KNG1: variants seen among roughly 807,000 people sequenced by gnomAD.
KNG1 encodes the protein kininogen-1.
In KNG1, 23 loss-of-function variants were observed where a neutral mutation model predicts 47.8. The observed-to-expected ratio is 0.48, with a 90% confidence interval of 0.35 to 0.68. KNG1 has a LOEUF of 0.68. Ranked by LOEUF, KNG1 falls within the 30% of genes least tolerant of loss-of-function variation. The pLI is 0.01. For missense variants in KNG1, 762 were observed against 790.2 expected, an observed-to-expected ratio of 0.96 and a Z score of 0.43; for synonymous variants, 277 against 277.0, an observed-to-expected ratio of 1.00 and a Z score of 0.00.
chr3:186,717,611 C>T lies in KNG1; in HGVS notation c.69C>T (p.Ser23=), dbSNP rs750334448. 18 of 1,612,634 alleles carry T rather than the reference C, an allele frequency of 1.1e-5. No individual in the cohort carries two copies. Among genetic ancestry groups the T allele is most frequent in the Admixed American group, 3.3e-5 (2 of 60,004 alleles). Residue 23 remains serine (S), a synonymous_variant, in exon 1 of 10, where the codon TCC becomes TCT. Transcript: ENST00000644859. ...LLLSLTQESQ[S]EEIDCNDKDL... is the part of the protein sequence containing the mutation. ...TAAGTTTAACCCAGGAATCACAGTCCGAGGAAATTGACTGCAATGACAAGG... is the reference window on the plus strand; with the variant it reads ...TAAGTTTAACCCAGGAATCACAGTCTGAGGAAATTGACTGCAATGACAAGG...
intron 9 of KNG1, 44 bp from the exon 10 acceptor site, chr3:186,741,478 A>T (rs747166212): frequency 2.6e-6 from 4 of 1,566,678 alleles, no homozygotes; most frequent in Non-Finnish European, 1.7e-6. Context: ...CATCAATAGC[A>T]TGATTTTTGC....
intron 7 of KNG1, among the ~76,000 whole-genome samples, chr3:186,737,717 C>T (rs889157046): frequency 2.6e-5 from 4 of 151,792 alleles, no homozygotes; most frequent in East Asian, 1.9e-4. Context: ...CAACCATGTC[C>T]GGCTAATTTT....
At chr3:186,731,151 A>G (rs530961899) in intron 5 of KNG1, among the ~76,000 whole-genome samples, 1 of 152,226 alleles carries the variant, frequency 6.6e-6, no homozygotes, top group East Asian at 1.9e-4. Context: ...TATTTGTCTC[A>G]CGTAGCTTTG....
intron 6 of KNG1, among the ~76,000 whole-genome samples, chr3:186,731,918 T>A (rs1410524220): frequency 6.6e-6 from 1 of 152,226 alleles, no homozygotes; most frequent in Non-Finnish European, 1.5e-5. Context: ...CTCTTCTCTG[T>A]AAGTTGTCCT....
rs1464176646 is a variant in KNG1 at position 186,725,462 on chromosome 3, GT to G, written c.564+205del. ...TCGAATCAGACCCCCTTCCTTTGAT[GT>G]TTGATTTTAACAAATGGGTAATCGT... is the stretch of plus-strand genomic sequence containing the variant. On this transcript the variant is annotated intron_variant, in intron 4 of 9. Coordinates refer to ENST00000644859, the MANE Select transcript of KNG1 (RefSeq NM_001102416.3). Among the ~76,000 whole-genome samples, 78 of 150,860 alleles carry G rather than the reference GT, an allele frequency of 5.2e-4. 1 individual carries two copies. The highest frequency in any genetic ancestry group is 4.6e-4 in the Non-Finnish European group (31 of 67,834).
At position 186,744,305 on chromosome 3, in the gene KNG1, A is replaced by G. The variant is rs766811223; in HGVS notation, c.*1974A>G. The G allele has an allele frequency of 2.6e-5, 4 of 154,206 alleles. No homozygotes were observed. The highest frequency in any genetic ancestry group is 5.8e-5 in the Non-Finnish European group (4 of 69,270). The allele number at this position is 154,206 out of a possible 1,614,324, so 9.6% of individuals were successfully genotyped here. On this transcript the variant is annotated 3_prime_UTR_variant, in exon 10 of 10. Transcript: ENST00000644859. ...ATCTCTGTTAATAGAATGTCTACCA[A>G]CTTCTCACTATCAGAAAATACTCAA...
chr3:186,734,480 G>A (rs1720619223), intron 7 of KNG1: 1 of 152,042 alleles, frequency 6.6e-6, no homozygotes, highest in South Asian at 2.1e-4. Context: ...AAATAATGTG[G>A]GAAAAAAAAG....
chr3:186,722,267 T>C (rs1279325277), intron 2 of KNG1, among the ~76,000 whole-genome samples, 170 bp from the exon 3 acceptor site: 1 of 152,154 alleles, frequency 6.6e-6, no homozygotes, highest in East Asian at 1.9e-4. Flanking sequence ...TATAAAGTAA[T>C]CATTAGGCTA....
chr3:186,732,777 T>G, intron 7 of KNG1, 103 bp downstream of exon 7: 1 of 903,000 alleles, frequency 1.1e-6, no homozygotes, highest in South Asian at 1.3e-5. Context: ...ACCATACATT[T>G]GATAATGTGA....
intron 3 of KNG1, 52 bp from the exon 4 acceptor site, chr3:186,725,036 C>A (rs373613303): frequency 7.4e-5 from 118 of 1,590,136 alleles, no homozygotes; most frequent in Non-Finnish European, 8.5e-5. Flanking sequence ...GCAGTGTATG[C>A]GAATGCTGAT....
At chr3:186,718,007 C>T in intron 1 of KNG1, 3 of 344,370 alleles carry the variant, frequency 8.7e-6, no homozygotes, top group Non-Finnish European at 1.1e-5. Context: ...CCACCACCCA[C>T]CACCATCACC....
In KNG1 at chr3:186,743,302, G is replaced by A. The variant is rs5030093; in HGVS notation, c.*971G>A. On this transcript the variant is annotated 3_prime_UTR_variant, in exon 10 of 10. Transcript: ENST00000644859. ...TGGAATGTGATGCAAAGTTTGTTCC[G>A]AAATTTTATGAGGAAATTACTCTCT... The A allele has an allele frequency of 0.24, 44,339 of 182,734 alleles. 5,538 individuals are homozygous for A. The highest frequency in any genetic ancestry group is 0.29 in the African/African-American group (12,095 of 42,146). The allele number at this position is 182,734 out of a possible 1,614,324, so 11.3% of individuals were successfully genotyped here.
rs751692945 is a variant in KNG1 at position 186,741,739 on chromosome 3, A to C, written c.1343A>C (p.Glu448Ala). ...KHNLGHGHKH[E>A]RDQGHGHQRG... is the part of the protein sequence containing the mutation. ...AATCTTGGCCATGGCCATAAACATG[A>C]ACGTGACCAAGGGCATGGGCACCAA... Residue 448 changes from glutamate to alanine, a missense_variant, in exon 10 of 10, where the codon GAA (glutamate) becomes GCA (alanine). Physicochemically the swap from Glu to Ala is moderately radical, Grantham distance 107. Transcript: ENST00000644859. The C allele has an allele frequency of 6.2e-7, 1 of 1,614,118 alleles. No homozygotes were observed. The highest frequency in any genetic ancestry group is 1.3e-5 in the African/African-American group (1 of 74,958).
chr3:186,741,699 A>G lies in KNG1; in HGVS notation c.1303A>G (p.Lys435Glu), dbSNP rs1720816087. ...HTRRHDWGHEKQRKHNLGHGH... is the reference protein window; with the variant it reads ...HTRRHDWGHEEQRKHNLGHGH... Reference sequence around the variant, plus strand: ...TCGTAGACATGACTGGGGCCATGAAAAACAAAGAAAACATAATCTTGGCCA... The same window carrying G: ...TCGTAGACATGACTGGGGCCATGAAGAACAAAGAAAACATAATCTTGGCCA... Residue 435 changes from lysine to glutamate, a missense_variant, in exon 10 of 10, where the codon AAA becomes GAA. Lys to Glu is a moderately conservative substitution (Grantham distance 56). Coordinates refer to ENST00000644859, the MANE Select transcript of KNG1 (RefSeq NM_001102416.3). 1 of 1,614,128 alleles carries G rather than the reference A, an allele frequency of 6.2e-7. No homozygotes were observed. The highest frequency in any genetic ancestry group is 1.7e-5 in the Admixed American group (1 of 60,006).
chr3:186,743,882 A>C lies in KNG1; in HGVS notation c.*1551A>C. On this transcript the variant is annotated 3_prime_UTR_variant, in exon 10 of 10. Coordinates refer to ENST00000644859, the MANE Select transcript of KNG1 (RefSeq NM_001102416.3). ...AAGAAGAAAGATGGGATAGAATTTA[A>C]ATAGAGAAGAATGCCATTTTATCAC... 1.2e-6 allele frequency: 1 copy of C among 842,720 alleles called. No individual in the cohort carries two copies. Among genetic ancestry groups the C allele is most frequent in the East Asian group, 2.5e-5 (1 of 39,540 alleles). 52.2% of individuals were successfully genotyped at this position (842,720 alleles called of 1,614,324 possible).
intron 3 of KNG1, among the ~76,000 whole-genome samples, chr3:186,722,775 G>A (rs1720243523): frequency 6.6e-6 from 1 of 152,202 alleles, no homozygotes; most frequent in Non-Finnish European, 1.5e-5. Flanking sequence ...CTCAACAGAA[G>A]GACCAGAAGA....
chr3:186,740,764 T>C (rs1413056498), intron 9 of KNG1, among the ~76,000 whole-genome samples: 1 of 152,190 alleles, frequency 6.6e-6, no homozygotes, highest in Non-Finnish European at 1.5e-5. Flanking sequence ...ATGCTCCCTA[T>C]ATATTCAGTT....
chr3:186,739,487 T>C (rs1293128888), intron 9 of KNG1, 73 bp downstream of exon 9: 2 of 1,003,112 alleles, frequency 2.0e-6, no homozygotes, highest in Non-Finnish European at 3.2e-6. Context: ...GGGCTGAAAA[T>C]GAACCATTAC....
intron 4 of KNG1, among the ~76,000 whole-genome samples, chr3:186,726,295 GTTTTT>G (rs1720371916): frequency 2.0e-5 from 1 of 48,950 alleles, no homozygotes; most frequent in Non-Finnish European, 4.3e-5. Context: ...TTTTTTTTTT[GTTTTT>G]TGAGGAAGAG....
Sources: allele counts gnomAD v4.1 joint callset (sites outside exome capture counted in the v4.1 genomes callset), GRCh38; gene constraint gnomAD v4.1.1; transcripts MANE v1.5; gene names NCBI Gene and HGNC (gene_info 2026-07-23, HGNC 2026-07-21).